CNTN6: variants seen among roughly 807,000 people sequenced by gnomAD.
The protein encoded by CNTN6 is contactin-6.
A neutral mutation model predicts 122.8 loss-of-function variants in CNTN6; 137 were observed. The ratio of observed to expected loss-of-function variants is 1.12; its 90% CI spans 0.97 to 1.29. The LOEUF is 1.29. Among genes scored for constraint, CNTN6 ranks in the 50% most tolerant of loss-of-function variants. CNTN6 has a pLI of 0.00. For synonymous variants in CNTN6, 570 were observed against 426.0 expected, an observed-to-expected ratio of 1.34 and a Z score of -4.16; for missense variants, 1,634 against 1,223.4, an observed-to-expected ratio of 1.34 and a Z score of -5.01.
chr3:1,146,918 A>G (rs140202717), intron 1 of CNTN6, among the ~76,000 whole-genome samples: 2 of 152,186 alleles, frequency 1.3e-5, no homozygotes, highest in East Asian at 1.9e-4. Context: ...ACCCCTGAAT[A>G]TTGTTTATTT....
At chr3:1,367,583 G>A (rs1708416472) in intron 12 of CNTN6, among the ~76,000 whole-genome samples, 1 of 151,960 alleles carries the variant, frequency 6.6e-6, no homozygotes, top group Non-Finnish European at 1.5e-5. Flanking sequence ...TGTAACCTGT[G>A]TGTGCATGAG....
At chr3:1,110,312 C>G (rs2091420852) in intron 1 of CNTN6, among the ~76,000 whole-genome samples, 1 of 151,988 alleles carries the variant, frequency 6.6e-6, no homozygotes, top group African/African-American at 2.4e-5. Context: ...AGAATCTAAT[C>G]TTTTTTTGAT....
intron 7 of CNTN6, among the ~76,000 whole-genome samples, chr3:1,301,363 C>A (rs918686658): frequency 2.6e-5 from 4 of 151,982 alleles, no homozygotes; most frequent in Admixed American, 2.0e-4. Context: ...ATTAAACTAG[C>A]AATATTTGAC....
At chr3:1,176,550 G>A (rs1207310177) in intron 2 of CNTN6, among the ~76,000 whole-genome samples, 1 of 152,126 alleles carries the variant, frequency 6.6e-6, no homozygotes, top group Non-Finnish European at 1.5e-5. Context: ...TAGGGAGTAT[G>A]GAATCACAAA....
chr3:1,170,236 C>CAAAAA (rs10525769), intron 2 of CNTN6, among the ~76,000 whole-genome samples: 30 of 107,454 alleles, frequency 2.8e-4, no homozygotes, highest in African/African-American at 8.3e-4. Context: ...GGCTCCATCT[C>CAAAAA]AAAAAAAAAA....
At chr3:1,124,918 G>A (rs2092104949) in intron 1 of CNTN6, among the ~76,000 whole-genome samples, 1 of 151,858 alleles carries the variant, frequency 6.6e-6, no homozygotes, top group African/African-American at 2.4e-5. Context: ...TACAAGGTCT[G>A]GGAGGGTCGT....
chr3:1,272,857 G>T (rs929976039), intron 4 of CNTN6, among the ~76,000 whole-genome samples: 1 of 152,182 alleles, frequency 6.6e-6, no homozygotes, highest in African/African-American at 2.4e-5. Flanking sequence ...CAGCTGCAAA[G>T]ATATATTCTC....
chr3:1,255,828 A>G lies in CNTN6; in HGVS notation c.359-22585A>G, dbSNP rs533900145. On this transcript the variant is annotated intron_variant, in intron 4 of 22. Transcript: ENST00000446702. ...GTAGCTGGGTCCACAAGCTTGCACC[A>G]CCATGACTGGCTAATTTTTTATTTT... Among the ~76,000 whole-genome samples, 3 of 152,188 alleles carry G rather than the reference A, an allele frequency of 2.0e-5. No homozygotes were observed. In the South Asian group the frequency reaches 6.2e-4, roughly 32 times the overall value.
At chr3:1,144,995 G>A (rs1430485046) in intron 1 of CNTN6, among the ~76,000 whole-genome samples, 2 of 152,070 alleles carry the variant, frequency 1.3e-5, no homozygotes, top group Non-Finnish European at 2.9e-5. Context: ...AGGAAGTAGG[G>A]GCTGTTTTTG....
Position 1,397,471 on chromosome 3 carries a change from G to A in CNTN6, c.2705-3962G>A, listed in dbSNP as rs78551753. Among the ~76,000 whole-genome samples, 734 of 152,080 alleles carry A rather than the reference G, an allele frequency of 4.8e-3. 6 individuals carry two copies. Among genetic ancestry groups the A allele is most frequent in the African/African-American group, 0.017 (694 of 41,508 alleles). ...CTAGTATTATTAAACAAATATCAGT[G>A]ATTCATCTGCAAGTACCAAAGCCTA... On this transcript the variant is annotated intron_variant, in intron 20 of 22. Transcript: ENST00000446702.
At chr3:1,173,679 C>G (rs1437486820) in intron 2 of CNTN6, among the ~76,000 whole-genome samples, 5 of 150,684 alleles carry the variant, frequency 3.3e-5, no homozygotes, top group African/African-American at 9.8e-5. Flanking sequence ...TGGCGGTTGA[C>G]AAAATGAATG....
At chr3:1,100,815 C>A (rs1471802218) in intron 1 of CNTN6, among the ~76,000 whole-genome samples, 3 of 152,032 alleles carry the variant, frequency 2.0e-5, no homozygotes, top group African/African-American at 7.2e-5. Context: ...GTTTCTCTCC[C>A]ATTCTTAAGC....
chr3:1,365,945 T>C (rs1281993904), intron 12 of CNTN6, among the ~76,000 whole-genome samples: 2 of 152,182 alleles, frequency 1.3e-5, no homozygotes, highest in Non-Finnish European at 2.9e-5. Flanking sequence ...TATATTTGAA[T>C]GTTTCTTAAA....
chr3:1,275,846 C>T (rs1013613707), intron 4 of CNTN6, among the ~76,000 whole-genome samples: 2 of 152,120 alleles, frequency 1.3e-5, no homozygotes, highest in Non-Finnish European at 2.9e-5. Flanking sequence ...CAGGGAGTGG[C>T]TGTAAATAAA....
At chr3:1,142,535 C>G (rs2092631804) in intron 1 of CNTN6, among the ~76,000 whole-genome samples, 1 of 152,034 alleles carries the variant, frequency 6.6e-6, no homozygotes. Flanking sequence ...TCTTCACAGC[C>G]AAATATATTT....
At chr3:1,210,235 T>C (rs1375050338) in intron 2 of CNTN6, among the ~76,000 whole-genome samples, 3 of 152,102 alleles carry the variant, frequency 2.0e-5, no homozygotes, top group African/African-American at 4.8e-5. Flanking sequence ...CTAGAATTAC[T>C]TTTCTGTTTT....
chr3:1,249,820 T>C (rs1429325560), intron 4 of CNTN6, among the ~76,000 whole-genome samples: 1 of 152,200 alleles, frequency 6.6e-6, no homozygotes, highest in Non-Finnish European at 1.5e-5. Flanking sequence ...ATTTTAATTA[T>C]TTCATCCATT....
chr3:1,114,734 AT>A (rs531425311), intron 1 of CNTN6, among the ~76,000 whole-genome samples: 3 of 152,026 alleles, frequency 2.0e-5, no homozygotes, highest in Non-Finnish European at 4.4e-5. Context: ...GAGCAAAGAC[AT>A]TTTTTTTGCT....
intron 5 of CNTN6, among the ~76,000 whole-genome samples, chr3:1,291,484 G>T (rs562116128): frequency 6.6e-6 from 1 of 152,284 alleles, no homozygotes; most frequent in African/African-American, 2.4e-5. Context: ...AGTGAAAGGG[G>T]TGACATTGGA....
Sources: allele counts gnomAD v4.1 joint callset (sites outside exome capture counted in the v4.1 genomes callset), GRCh38; gene constraint gnomAD v4.1.1; transcripts MANE v1.5; gene names NCBI Gene and HGNC (gene_info 2026-07-23, HGNC 2026-07-21).